Variants in RBFOX3 observed in about 807,000 individuals in gnomAD.
RBFOX3 encodes the protein RNA binding protein fox-1 homolog 3.
In RBFOX3, 17 loss-of-function variants were observed where a neutral mutation model predicts 48.7. That is an observed-to-expected ratio of 0.35 (90% CI 0.24 to 0.52). The LOEUF (loss-of-function observed/expected upper bound fraction) is 0.52. Ranked by LOEUF, RBFOX3 falls within the 20% of genes least tolerant of loss-of-function variation. The pLI is 0.94. For synonymous variants in RBFOX3, 212 were observed against 209.5 expected (o/e 1.01, Z -0.10); for missense variants, 382 against 497.5 (o/e 0.77, Z 2.21).
intron 3 of RBFOX3, among the ~76,000 whole-genome samples, chr17:79,305,891 A>G (rs954367323): frequency 3.8e-4 from 58 of 152,228 alleles, no homozygotes; most frequent in Non-Finnish European, 7.6e-4. Flanking sequence ...CTAACCATCC[A>G]GGGCTGACCT....
Position 79,593,674 on chromosome 17 carries a change from C to T in RBFOX3, c.-320+17152G>A, listed in dbSNP as rs1206308062. On this transcript the variant is annotated intron_variant, in intron 1 of 14. Transcript: ENST00000693108. ...ATAACTTTGTGATGTGGTTGTGTCT[C>T]CTGCAAATGTTAGTTTTCTTTTTTG... is the stretch of plus-strand genomic sequence containing the variant. 3.3e-5 allele frequency among the ~76,000 whole-genome samples: 5 copies of T among 152,334 alleles called. No homozygotes were observed. The South Asian group carries it at 1.0e-3, about 32-fold the overall frequency.
At chr17:79,289,391 G>A (rs1355153119) in intron 3 of RBFOX3, among the ~76,000 whole-genome samples, 1 of 152,194 alleles carries the variant, frequency 6.6e-6, no homozygotes, top group African/African-American at 2.4e-5. Context: ...AGTGAGCACT[G>A]GGACCCGGCA....
At chr17:79,515,769 T>A (rs1451444787) in intron 1 of RBFOX3, among the ~76,000 whole-genome samples, 1 of 152,074 alleles carries the variant, frequency 6.6e-6, no homozygotes. Flanking sequence ...CATTCGAGGC[T>A]CCCGGCTGAG....
chr17:79,387,978 G>A (rs1033551613), intron 2 of RBFOX3, among the ~76,000 whole-genome samples: 13 of 146,262 alleles, frequency 8.9e-5, no homozygotes, highest in East Asian at 8.4e-4. Flanking sequence ...ACGTGTACCT[G>A]TGTGTGCATG....
chr17:79,385,404 C>T (rs111520698), intron 2 of RBFOX3, among the ~76,000 whole-genome samples: 6,788 of 152,184 alleles, frequency 0.045, 179 homozygotes, highest in East Asian at 0.13. Context: ...CATGGAGGAG[C>T]CTGAAACCAT....
the RBFOX3 span, among the ~76,000 whole-genome samples, chr17:79,653,073 C>T: frequency 6.6e-6 from 1 of 152,100 alleles, no homozygotes; most frequent in Non-Finnish European, 1.5e-5. Flanking sequence ...ATTTCAAACC[C>T]AGGATTCTGT....
At chr17:79,328,352 T>C (rs1440788735) in intron 2 of RBFOX3, among the ~76,000 whole-genome samples, 1 of 152,222 alleles carries the variant, frequency 6.6e-6, no homozygotes, top group Non-Finnish European at 1.5e-5. Context: ...ACACCGTCCA[T>C]TGTGGCAGGG....
At chr17:79,215,194 C>T (rs778787629) in intron 4 of RBFOX3, among the ~76,000 whole-genome samples, 8 of 152,158 alleles carry the variant, frequency 5.3e-5, no homozygotes, top group Non-Finnish European at 1.2e-4. Context: ...GCAGGGCTCC[C>T]GGCTGAAGCT....
At chr17:79,350,531 G>T (rs1291677176) in intron 2 of RBFOX3, among the ~76,000 whole-genome samples, 2 of 152,212 alleles carry the variant, frequency 1.3e-5, no homozygotes, top group East Asian at 1.9e-4. Flanking sequence ...TTTTAGCAGT[G>T]AAAGTCTACA....
chr17:79,460,487 GC>G lies in RBFOX3; in HGVS notation c.-175+21966del, dbSNP rs2075236555. Among the ~76,000 whole-genome samples the G allele has an allele frequency of 4.6e-5, 7 of 152,314 alleles. No individual in the cohort carries two copies. The South Asian group carries it at 1.4e-3, about 32-fold the overall frequency. On this transcript the variant is annotated intron_variant, in intron 2 of 14. Transcript: ENST00000693108. ...AGCTCGCAGGACTGTGCCAGCTAGG[GC>G]CACGCCCTCAGCCTCAAGCCCCATG...
Position 79,311,619 on chromosome 17 carries a change from T to C in RBFOX3, c.-174-3795A>G, listed in dbSNP as rs2076871775. ...TCAATCAATCATCTACCTACCTACC[T>C]AGGTCCTGTTGACTTTGTTTACCTG... On this transcript the variant is annotated intron_variant, in intron 2 of 14. Transcript: ENST00000693108. The surrounding 1 kb of genome is among the most constrained non-coding windows in gnomAD (Gnocchi z 4.2). 6.6e-6 allele frequency among the ~76,000 whole-genome samples: 1 copy of C among 152,158 alleles called. No individual in the cohort carries two copies. Among genetic ancestry groups the C allele is most frequent in the African/African-American group, 2.4e-5 (1 of 41,432 alleles).
At position 79,097,566 on chromosome 17, in the gene RBFOX3, A is replaced by G; in HGVS notation, c.622+126T>C. The G allele has an allele frequency of 9.0e-6, 12 of 1,331,022 alleles. No homozygotes were observed. In the South Asian group the frequency reaches 1.6e-4, roughly 18 times the overall value. The allele number at this position is 1,331,022 out of a possible 1,614,324, so 82.5% of individuals were successfully genotyped here. ...GCCCCCGGAGCGCTACTCAGTCAAC[A>G]CGGCGACGGGAGGGCGGGGACGGCC... On this transcript the variant is annotated intron_variant, in intron 10 of 14. Coordinates refer to ENST00000693108, the MANE Select transcript of RBFOX3 (RefSeq NM_001350451.2).
chr17:79,501,559 G>A (rs1241995922), intron 1 of RBFOX3, among the ~76,000 whole-genome samples: 1 of 152,214 alleles, frequency 6.6e-6, no homozygotes, highest in East Asian at 1.9e-4. Context: ...AGAGCCGAGG[G>A]GCTAAGGATT....
In RBFOX3 at chr17:79,489,240, T is replaced by TC. The variant is rs782251226; in HGVS notation, c.-319-6643_-319-6642insG. ...TAGCCTTCTAGTCCTGCCAGAAAGTTAAAAAAAAAAAAAAAAAAAAAAGAA... is the reference window on the plus strand; with the variant it reads ...TAGCCTTCTAGTCCTGCCAGAAAGTTCAAAAAAAAAAAAAAAAAAAAAAGAA... On this transcript the variant is annotated intron_variant, in intron 1 of 14. Transcript: ENST00000693108. 5.1e-3 allele frequency among the ~76,000 whole-genome samples: 648 copies of TC among 126,474 alleles called. 7 individuals carry two copies. Among genetic ancestry groups the TC allele is most frequent in the African/African-American group, 0.019 (627 of 33,254 alleles). The allele number at this position is 126,474 out of a possible 152,430, so 83.0% of individuals were successfully genotyped here.
At chr17:79,153,771 G>C (rs2045134845) in intron 4 of RBFOX3, among the ~76,000 whole-genome samples, 2 of 152,134 alleles carry the variant, frequency 1.3e-5, no homozygotes, top group Admixed American at 6.5e-5. Flanking sequence ...CCCACCTTTG[G>C]CAATGGGCTT....
intron 2 of RBFOX3, among the ~76,000 whole-genome samples, chr17:79,326,318 C>T (rs566624631): frequency 6.6e-6 from 1 of 152,284 alleles, no homozygotes; most frequent in South Asian, 2.1e-4. Flanking sequence ...TCCCTCCCTT[C>T]TCGCCCTGCA....
intron 2 of RBFOX3, among the ~76,000 whole-genome samples, chr17:79,408,270 T>A (rs1174851157): frequency 2.0e-5 from 3 of 152,012 alleles, no homozygotes; most frequent in Non-Finnish European, 4.4e-5. Context: ...CAGTGAGAAG[T>A]GCCCCACCGA....
intron 1 of RBFOX3, among the ~76,000 whole-genome samples, chr17:79,510,134 G>A (rs2083888215): frequency 6.6e-6 from 1 of 152,144 alleles, no homozygotes; most frequent in African/African-American, 2.4e-5. Flanking sequence ...TGGCCCTGCA[G>A]GTCAGCAGCC....
chr17:79,559,663 G>GTGGATGGA lies in RBFOX3; in HGVS notation c.-320+51162_-320+51163insTCCATCCA, dbSNP rs2092058982. ...GAATAGTGGATGGGTGGATGGATGG[G>GTGGATGGA]TGGGTGGGTGGATGGATGAGTGGGT... On this transcript the variant is annotated intron_variant, in intron 1 of 14. Transcript: ENST00000693108. Among the ~76,000 whole-genome samples, 263 of 137,230 alleles carry GTGGATGGA rather than the reference G, an allele frequency of 1.9e-3. 1 individual carries two copies. The highest frequency in any genetic ancestry group is 6.3e-3 in the African/African-American group (238 of 38,038). 90.0% of individuals were successfully genotyped at this position (137,230 alleles called of 152,430 possible). A position where few individuals can be genotyped will look rare whatever the true frequency, so the allele number is the denominator to read the frequency against.
Sources: gnomAD v4.1 joint callset for allele counts (sites outside exome capture counted in the v4.1 genomes callset) on GRCh38, gnomAD v4.1.1 for gene constraint, Gnocchi (gnomAD v3.1) non-coding constraint, MANE v1.5 for transcripts, NCBI Gene and HGNC (gene_info 2026-07-23, HGNC 2026-07-21) for gene names.